The following BMP2 variants were observed in gnomAD, a reference collection of about 807,000 sequenced individuals.
BMP2 encodes the protein bone morphogenetic protein 2A.
A neutral mutation model predicts 28.8 loss-of-function variants in BMP2; 2 were observed. The ratio of observed to expected loss-of-function variants is 0.07; its 90% CI spans 0.03 to 0.22. BMP2 has a LOEUF of 0.22. BMP2 is among the 10% of genes least tolerant of loss of function. BMP2 has a pLI of 1.00. For synonymous variants in BMP2, 218 were observed against 204.3 expected (o/e 1.07, Z -0.57); for missense variants, 437 against 517.7 (o/e 0.84, Z 1.51).
Position 6,770,343 on chromosome 20 carries a change from G to A in BMP2, c.217G>A (p.Ala73Thr), listed in dbSNP as rs779506433. The A allele has an allele frequency of 5.0e-6, 8 of 1,613,372 alleles. No individual in the cohort carries two copies. The East Asian group carries it at 1.8e-4, about 36-fold the overall frequency. Residue 73 changes from alanine to threonine, a missense_variant, in exon 2 of 3, where the codon GCC becomes ACC. Physicochemically the swap from Ala to Thr is moderately conservative, Grantham distance 58. Around this residue, in one of 2 missense-constraint regions of BMP2, gnomAD observed 363 missense variants for 392.8 expected, o/e 0.92. Transcript: ENST00000378827. ...LKQRPTPSRD[A>T]VVPPYMLDLY... Reference sequence around the variant, plus strand: ...ACAGAGACCCACCCCCAGCAGGGACGCCGTGGTGCCCCCCTACATGCTAGA... The same window carrying A: ...ACAGAGACCCACCCCCAGCAGGGACACCGTGGTGCCCCCCTACATGCTAGA...
intron 1 of BMP2, among the ~76,000 whole-genome samples, chr20:6,769,534 G>T (rs1481191368): frequency 1.3e-5 from 2 of 152,078 alleles, no homozygotes; most frequent in African/African-American, 4.8e-5. Context: ...ACACCCCTGA[G>T]GGTAGGGGCC....
intron 2 of BMP2, 82 bp downstream of exon 2, chr20:6,770,554 G>C (rs1986378195): frequency 2.2e-6 from 3 of 1,381,040 alleles, no homozygotes; most frequent in Non-Finnish European, 2.9e-6. Context: ...CGTCCCTGTA[G>C]AGGCAGCTTG....
chr20:6,768,827 A>G lies in BMP2; in HGVS notation c.-56A>G. 2.5e-6 allele frequency: 1 copy of G among 398,540 alleles called. No homozygotes were observed. Among genetic ancestry groups the G allele is most frequent in the Non-Finnish European group, 4.4e-6 (1 of 226,038 alleles). 24.7% of individuals were successfully genotyped at this position (398,540 alleles called of 1,614,324 possible). On this transcript the variant is annotated 5_prime_UTR_variant, in exon 1 of 3. Coordinates refer to ENST00000378827, the MANE Select transcript of BMP2 (RefSeq NM_001200.4). ...AGTTTTTCCATGTGGACGCTCTTTCAATGGACGTGTCCCCGCGTGCTTCTT... is the reference window on the plus strand; with the variant it reads ...AGTTTTTCCATGTGGACGCTCTTTCGATGGACGTGTCCCCGCGTGCTTCTT...
At position 6,770,194 on chromosome 20, in the gene BMP2, G is replaced by C. The variant is rs1422558559; in HGVS notation, c.68G>C (p.Gly23Ala). 7 of 1,586,976 alleles carry C rather than the reference G, an allele frequency of 4.4e-6. No individual in the cohort carries two copies. Among genetic ancestry groups the C allele is most frequent in the African/African-American group, 1.3e-5 (1 of 74,210 alleles). ...LPQVLLGGAA[G>A]LVPELGRRKF... The stretch of plus-strand genomic sequence containing the variant: ...CAGGTCCTCCTGGGCGGCGCGGCTG[G>C]CCTCGTTCCGGAGCTGGGCCGCAGG... The change falls in exon 2 of 3, where the codon GGC (glycine) becomes GCC (alanine). Residue 23 changes from glycine to alanine, a missense_variant. Gly to Ala is a moderately conservative substitution (Grantham distance 60, BLOSUM62 0). Around this residue, in one of 2 missense-constraint regions of BMP2, gnomAD observed 363 missense variants for 392.8 expected, o/e 0.92. Transcript: ENST00000378827.
chr20:6,772,118 A>G (rs1257458205), intron 2 of BMP2, among the ~76,000 whole-genome samples: 1 of 152,234 alleles, frequency 6.6e-6, no homozygotes, highest in African/African-American at 2.4e-5. Context: ...CACCTAAAAC[A>G]TTCCATTGTG....
intron 2 of BMP2, among the ~76,000 whole-genome samples, chr20:6,775,048 G>A (rs1302119318): frequency 6.6e-6 from 1 of 152,068 alleles, no homozygotes; most frequent in Non-Finnish European, 1.5e-5. Context: ...TCACAAACTC[G>A]GGTCAAAGAC....
intron 1 of BMP2, 113 bp downstream of exon 1, chr20:6,768,988 C>G: frequency 2.5e-6 from 1 of 397,062 alleles, no homozygotes; most frequent in Admixed American, 4.4e-5. Context: ...AGACCCCTCT[C>G]CAGTCCACGT....
At chr20:6,772,547 A>C (rs929463881) in intron 2 of BMP2, among the ~76,000 whole-genome samples, 1 of 152,146 alleles carries the variant, frequency 6.6e-6, no homozygotes, top group African/African-American at 2.4e-5. Flanking sequence ...GCCACGAAAA[A>C]AGTTTTTGGT....
chr20:6,776,043 T>C (rs758093008), intron 2 of BMP2, among the ~76,000 whole-genome samples: 8 of 152,172 alleles, frequency 5.3e-5, no homozygotes, highest in Non-Finnish European at 1.2e-4. Flanking sequence ...GGGTCTGAGG[T>C]TGCTGACTTT....
rs758105707 is a variant in BMP2, at chr20:6,778,313, A to G, written c.415A>G (p.Ile139Val). 6 of 1,614,026 alleles carry G rather than the reference A, an allele frequency of 3.7e-6. No homozygotes were observed. Among genetic ancestry groups the G allele is most frequent in the South Asian group, 3.3e-5 (3 of 91,046 alleles). The part of the protein sequence containing the change: ...TRRFFFNLSS[I>V]PTEEFITSAE... The stretch of plus-strand genomic sequence containing the variant: ...GAGATTCTTCTTTAATTTAAGTTCT[A>G]TCCCCACGGAGGAGTTTATCACCTC... The change falls in exon 3 of 3, where the codon ATC becomes GTC. Residue 139 changes from isoleucine (I) to valine (V), a missense_variant. Ile to Val is a conservative substitution (Grantham distance 29). This residue lies in a region of BMP2 where 363 missense variants were observed against 392.8 expected (regional missense o/e 0.92). Transcript: ENST00000378827. The surrounding 1 kb of genome is among the most constrained non-coding windows in gnomAD (Gnocchi z 5.0).
At position 6,768,482 on chromosome 20, in the gene BMP2, A is replaced by G. The variant is rs1052753616; in HGVS notation, c.-401A>G. The stretch of plus-strand genomic sequence containing the variant: ...GGTTCCTAAGGAGGACGACAGCACC[A>G]GCTTCTCCTTTCTCCCTTCCCTTCC... On this transcript the variant is annotated 5_prime_UTR_variant, in exon 1 of 3. Coordinates refer to ENST00000378827, the MANE Select transcript of BMP2 (RefSeq NM_001200.4). 7 of 392,152 alleles carry G rather than the reference A, an allele frequency of 1.8e-5. No individual in the cohort carries two copies. Among genetic ancestry groups the G allele is most frequent in the African/African-American group, 1.0e-4 (5 of 48,194 alleles). The allele number at this position is 392,152 out of a possible 1,614,324, so 24.3% of individuals were successfully genotyped here. A position where few individuals can be genotyped will look rare whatever the true frequency, so the allele number is the denominator to read the frequency against.
At chr20:6,774,342 A>G (rs763202664) in intron 2 of BMP2, among the ~76,000 whole-genome samples, 1 of 152,098 alleles carries the variant, frequency 6.6e-6, no homozygotes, top group Non-Finnish European at 1.5e-5. Flanking sequence ...CCTGGCCAAC[A>G]TGGTGAAACC....
At chr20:6,772,117 C>T (rs889142019) in intron 2 of BMP2, among the ~76,000 whole-genome samples, 1 of 152,216 alleles carries the variant, frequency 6.6e-6, no homozygotes, top group Non-Finnish European at 1.5e-5. Context: ...ACACCTAAAA[C>T]ATTCCATTGT....
At position 6,768,138 on chromosome 20, in the gene BMP2, G is replaced by A. The variant is rs1217725701; in HGVS notation, c.-745G>A. On this transcript the variant is annotated 5_prime_UTR_variant, in exon 1 of 3. Transcript: ENST00000378827. Reference sequence around the variant, plus strand: ...GGCCCCAGGGCTAGGAGAGCGAGGGGAGAGCACAGCCACCCGCCTCGGCGG... The same window carrying A: ...GGCCCCAGGGCTAGGAGAGCGAGGGAAGAGCACAGCCACCCGCCTCGGCGG... 2 of 398,104 alleles carry A rather than the reference G, an allele frequency of 5.0e-6. No individual in the cohort carries two copies. Among genetic ancestry groups the A allele is most frequent in the Non-Finnish European group, 8.9e-6 (2 of 225,816 alleles). The allele number at this position is 398,104 out of a possible 1,614,324, so 24.7% of individuals were successfully genotyped here.
Position 6,767,738 on chromosome 20 carries a change from G to T in BMP2, c.-1145G>T. 5.6e-6 allele frequency: 1 copy of T among 179,694 alleles called. No homozygotes were observed. Among genetic ancestry groups the T allele is most frequent in the South Asian group, 1.7e-4 (1 of 5,924 alleles). 11.1% of individuals were successfully genotyped at this position (179,694 alleles called of 1,614,324 possible). ...GTCCTCGCCCCGCCGCGCTGCGCCC[G>T]GCTCGCGCTGCGCTAGTCGCTCCGC... On this transcript the variant is annotated 5_prime_UTR_variant, in exon 1 of 3. Coordinates refer to ENST00000378827, the MANE Select transcript of BMP2 (RefSeq NM_001200.4).
At chr20:6,776,364 C>G (rs939908001) in intron 2 of BMP2, among the ~76,000 whole-genome samples, 17 of 152,276 alleles carry the variant, frequency 1.1e-4, no homozygotes, top group Admixed American at 4.6e-4. Flanking sequence ...TTTAGAAGAA[C>G]CTTCTGTTCT....
In BMP2 at chr20:6,775,825, G is replaced by T. The variant is rs568887350; in HGVS notation, c.347-2420G>T. 5.9e-5 allele frequency among the ~76,000 whole-genome samples: 9 copies of T among 152,288 alleles called. No individual in the cohort carries two copies. In the South Asian group the frequency reaches 1.9e-3, roughly 32 times the overall value. On this transcript the variant is annotated intron_variant, in intron 2 of 2. Coordinates refer to ENST00000378827, the MANE Select transcript of BMP2 (RefSeq NM_001200.4). ...CGTGTGTGCGAGAGAGAGAATGTGT[G>T]AGAATGTATGTTTCTTTATGCATTG...
intron 2 of BMP2, among the ~76,000 whole-genome samples, chr20:6,773,865 T>C (rs1416090074): frequency 6.6e-6 from 1 of 152,050 alleles, no homozygotes; most frequent in Non-Finnish European, 1.5e-5. Context: ...CCCCAGGTTT[T>C]GTTGTTGTTG....
chr20:6,770,065 G>C, intron 1 of BMP2, 55 bp from the exon 2 acceptor site: 1 of 1,467,336 alleles, frequency 6.8e-7, no homozygotes, highest in South Asian at 1.3e-5. Context: ...GCGGGGGCGC[G>C]AGGGGGGAGG....
Sources: gnomAD v4.1 joint callset for allele counts (sites outside exome capture counted in the v4.1 genomes callset) on GRCh38, gnomAD v4.1.1 for gene constraint, gnomAD v4.1.1 regional missense constraint, Gnocchi (gnomAD v3.1) non-coding constraint, MANE v1.5 for transcripts, NCBI Gene and HGNC (gene_info 2026-07-23, HGNC 2026-07-21) for gene names.